Variants in MYH10 observed in about 807,000 individuals in gnomAD.
The protein encoded by MYH10 is myosin heavy chain 10, also known as myosin-10.
A neutral mutation model predicts 257.8 loss-of-function variants in MYH10; 55 were observed. That is an observed-to-expected ratio of 0.21 (90% CI 0.17 to 0.27). MYH10 has a LOEUF of 0.27. Ranked by LOEUF, MYH10 falls within the 10% of genes least tolerant of loss-of-function variation. The pLI, the probability that MYH10 is intolerant of heterozygous loss-of-function variation, is 1.00. For missense variants in MYH10, 1,631 were observed against 2,500.6 expected (o/e 0.65, Z 7.42); for synonymous variants, 854 against 921.7 (o/e 0.93, Z 1.33).
At chr17:8,492,650 C>A in intron 33 of MYH10, 126 bp downstream of exon 33, 29 of 850,906 alleles carry the variant, frequency 3.4e-5, no homozygotes, top group Non-Finnish European at 4.3e-5. Flanking sequence ...TTTTTTTTTG[C>A]TTTCCCTTTT....
In MYH10 at chr17:8,477,842, G is replaced by A. The variant is rs927267977; in HGVS notation, c.5706+496C>T. On this transcript the variant is annotated intron_variant, in intron 41 of 42. Coordinates refer to ENST00000360416, the MANE Select transcript of MYH10 (RefSeq NM_001256012.3). The surrounding 1 kb of genome is among the most constrained non-coding windows in gnomAD (Gnocchi z 4.2). Reference sequence around the variant, plus strand: ...GCAATCAGGGCAGGCCTGACCCACAGTTCAAAGTCCTGCGGAACATTCCCT... The same window carrying A: ...GCAATCAGGGCAGGCCTGACCCACAATTCAAAGTCCTGCGGAACATTCCCT... 5.3e-5 allele frequency among the ~76,000 whole-genome samples: 8 copies of A among 152,344 alleles called. No homozygotes were observed. The highest frequency in any genetic ancestry group is 1.4e-4 in the African/African-American group (6 of 41,572).
At position 8,508,568 on chromosome 17, in the gene MYH10, A is replaced by G; in HGVS notation, c.3200T>C (p.Ile1067Thr). Residue 1067 changes from isoleucine (I) to threonine (T), a missense_variant, in exon 26 of 43, where the codon ATC becomes ACC. Physicochemically the swap from Ile to Thr is moderately conservative, Grantham distance 89. Transcript: ENST00000360416. ...CAAATACTAACCTTCTAAATCTGAG[A>G]TCATCACTTCTTGCTTATTCCTGAT... ...AKIRNKQEVM[I>T]SDLEERLKKE... The G allele has an allele frequency of 6.2e-7, 1 of 1,614,122 alleles. No individual in the cohort carries two copies. Among genetic ancestry groups the G allele is most frequent in the East Asian group, 2.2e-5 (1 of 44,872 alleles).
In MYH10 at chr17:8,548,351, T is replaced by C; in HGVS notation, c.1121A>G (p.Glu374Gly). ...CATGGAAGCTTGATCAGTATTTCTC[T>C]CCTTTTTGAAAGAAATATTTCCAAA... ...LQFGNISFKKERNTDQASMPE... is the reference protein window; with the variant it reads ...LQFGNISFKKGRNTDQASMPE... Residue 374 changes from glutamate (E) to glycine (G), a missense_variant, in exon 11 of 43, where the codon GAG (glutamate) becomes GGG (glycine). By Grantham distance (98) the Glu-to-Gly change is moderately conservative (BLOSUM62 -2). Around this residue, in one of 11 missense-constraint regions of MYH10, gnomAD observed 360 missense variants for 581.9 expected, o/e 0.62. Transcript: ENST00000360416. The C allele has an allele frequency of 1.9e-6, 3 of 1,613,310 alleles. No individual in the cohort carries two copies. Among genetic ancestry groups the C allele is most frequent in the Non-Finnish European group, 2.5e-6 (3 of 1,179,550 alleles).
At chr17:8,549,878 C>G (rs534856026) in intron 9 of MYH10, among the ~76,000 whole-genome samples, 20 of 150,998 alleles carry the variant, frequency 1.3e-4, no homozygotes, top group Admixed American at 7.3e-4. Flanking sequence ...TTGGTGGAGA[C>G]GGGGTTTCGC....
chr17:8,516,174 G>A (rs1036988697), intron 21 of MYH10, among the ~76,000 whole-genome samples: 1 of 152,194 alleles, frequency 6.6e-6, no homozygotes, highest in African/African-American at 2.4e-5. Flanking sequence ...TGAGGGAGCT[G>A]TGACATCAAC....
Position 8,553,999 on chromosome 17 carries a change from T to G in MYH10, c.776A>C (p.Asn259Thr). Reference sequence around the variant, plus strand: ...AACGATATAGCCAGTTACATCAAAGTTGATCCGAATAAATTTGCCCTGAAA... The same window carrying G: ...AACGATATAGCCAGTTACATCAAAGGTGATCCGAATAAATTTGCCCTGAAA... ...SSRFGKFIRI[N>T]FDVTGYIVGA... is the part of the protein sequence containing the mutation. The change falls in exon 8 of 43, where the codon AAC (asparagine) becomes ACC (threonine). Residue 259 changes from asparagine (N) to threonine (T), a missense_variant. This residue lies in a region of MYH10 where 360 missense variants were observed against 581.9 expected (regional missense o/e 0.62). Transcript: ENST00000360416. The G allele has an allele frequency of 6.2e-7, 1 of 1,613,274 alleles. No homozygotes were observed. The highest frequency in any genetic ancestry group is 8.5e-7 in the Non-Finnish European group (1 of 1,179,520).
chr17:8,532,643 A>G lies in MYH10; in HGVS notation c.1895-1958T>C, dbSNP rs114213464. ...CCCTCTCCAGTATCTGGGGCTGGTGAGACCTTAAATTAAAGAAGAAAGGAA... is the reference window on the plus strand; with the variant it reads ...CCCTCTCCAGTATCTGGGGCTGGTGGGACCTTAAATTAAAGAAGAAAGGAA... On this transcript the variant is annotated intron_variant, in intron 16 of 42. Transcript: ENST00000360416. 4.1e-3 allele frequency among the ~76,000 whole-genome samples: 630 copies of G among 152,324 alleles called. 3 individuals carry two copies. The highest frequency in any genetic ancestry group is 0.014 in the African/African-American group (598 of 41,558).
At chr17:8,523,393 T>C (rs760239249) in intron 17 of MYH10, among the ~76,000 whole-genome samples, 1 of 152,190 alleles carries the variant, frequency 6.6e-6, no homozygotes, top group Non-Finnish European at 1.5e-5. Flanking sequence ...GAGTGAGAAA[T>C]GCATTCAAAG....
intron 17 of MYH10, 100 bp downstream of exon 17, chr17:8,530,522 AC>A: frequency 4.2e-6 from 1 of 238,538 alleles, no homozygotes. Context: ...CCCCCAGTCT[AC>A]CCCCGCCCTC....
At chr17:8,580,844 T>C (rs1208471726) in intron 4 of MYH10, among the ~76,000 whole-genome samples, 2 of 151,944 alleles carry the variant, frequency 1.3e-5, no homozygotes, top group Non-Finnish European at 2.9e-5. Flanking sequence ...AGAACATACA[T>C]AAAATAAATA....
intron 39 of MYH10, 40 bp downstream of exon 39, chr17:8,480,362 G>A: frequency 6.2e-7 from 1 of 1,612,806 alleles, no homozygotes; most frequent in Non-Finnish European, 8.5e-7. Flanking sequence ...CTGAGGGGTG[G>A]CACAGCCCTC....
chr17:8,513,519 A>G lies in MYH10; in HGVS notation c.2745+19T>C. On this transcript the variant is annotated intron_variant, in intron 23 of 42. Transcript: ENST00000360416. ...AGGGATTCAGGGCCAAGTGTGAGTT[A>G]CAAGGTCACTGCACACACCTGCTGG... is the stretch of plus-strand genomic sequence containing the variant. 1.2e-6 allele frequency: 2 copies of G among 1,612,906 alleles called. No homozygotes were observed. Among genetic ancestry groups the G allele is most frequent in the Non-Finnish European group, 1.7e-6 (2 of 1,179,550 alleles).
chr17:8,595,031 A>G (rs2084309183), intron 3 of MYH10, among the ~76,000 whole-genome samples: 1 of 152,172 alleles, frequency 6.6e-6, no homozygotes, highest in South Asian at 2.1e-4. Context: ...TGTTCTTTAC[A>G]TGGTGAGTGA....
intron 7 of MYH10, among the ~76,000 whole-genome samples, chr17:8,562,240 C>T (rs1224670358): frequency 1.3e-5 from 2 of 152,200 alleles, no homozygotes; most frequent in Non-Finnish European, 2.9e-5. Flanking sequence ...GATTATTCCC[C>T]TTCATGTTGG....
At chr17:8,548,957 AT>A (rs11287449) in intron 9 of MYH10, among the ~76,000 whole-genome samples, 170 bp from the exon 10 acceptor site, 146,801 of 152,232 alleles carry the variant, frequency 0.96, 71,020 homozygotes, top group East Asian at 1. Context: ...ACAAACATAC[AT>A]TTTTTTAATT....
intron 3 of MYH10, among the ~76,000 whole-genome samples, chr17:8,592,934 T>TAC (rs2084217433): frequency 2.5e-4 from 1 of 3,988 alleles, no homozygotes; most frequent in Non-Finnish European, 5.0e-4. Context: ...CAAATCCAGC[T>TAC]ATATATATAT....
chr17:8,561,293 C>T (rs911669301), intron 7 of MYH10: 41 of 1,067,488 alleles, frequency 3.8e-5, no homozygotes, highest in Non-Finnish European at 5.6e-5. Flanking sequence ...GCAGGCTATT[C>T]GCTGCACTAA....
At chr17:8,511,523 A>C (rs1223927849) in intron 24 of MYH10, among the ~76,000 whole-genome samples, 4 of 152,232 alleles carry the variant, frequency 2.6e-5, no homozygotes, top group Admixed American at 1.3e-4. Flanking sequence ...CCGTCTCAAA[A>C]ACAGAACAAA....
rs376525016 is a variant in MYH10, at chr17:8,627,259, C to T, written c.-32+3395G>A. Among the ~76,000 whole-genome samples the T allele has an allele frequency of 1.9e-3, 292 of 152,206 alleles. 2 individuals are homozygous for T. Among genetic ancestry groups the T allele is most frequent in the African/African-American group, 1.4e-3 (59 of 41,520 alleles). ...ACTATGAGGAGAGTCATCTGTTCCA[C>T]GCTGTATCTTGAGCATTTTGTCTAG... On this transcript the variant is annotated intron_variant, in intron 1 of 42. Transcript: ENST00000360416.
Sources: gnomAD v4.1 joint callset for allele counts (sites outside exome capture counted in the v4.1 genomes callset) on GRCh38, gnomAD v4.1.1 for gene constraint, gnomAD v4.1.1 regional missense constraint, Gnocchi (gnomAD v3.1) non-coding constraint, MANE v1.5 for transcripts, NCBI Gene and HGNC (gene_info 2026-07-23, HGNC 2026-07-21) for gene names.